TNNC1: variants seen among roughly 807,000 people sequenced by gnomAD.
The protein encoded by TNNC1 is troponin C, slow skeletal and cardiac muscles.
TNNC1 carries 10 observed loss-of-function variants against 19.6 expected under a neutral mutation model. The ratio of observed to expected loss-of-function variants is 0.51; its 90% CI spans 0.31 to 0.87. The LOEUF (loss-of-function observed/expected upper bound fraction) is 0.87. Ranked by LOEUF, TNNC1 falls within the 40% of genes least tolerant of loss-of-function variation. TNNC1 has a pLI of 0.04. For synonymous variants in TNNC1, 85 were observed against 80.1 expected, an observed-to-expected ratio of 1.06 and a Z score of -0.33; for missense variants, 115 against 219.8, an observed-to-expected ratio of 0.52 and a Z score of 3.02.
intron 1 of TNNC1, among the ~76,000 whole-genome samples, chr3:52,453,738 A>G (rs1706363200): frequency 6.6e-6 from 1 of 152,228 alleles, no homozygotes; most frequent in African/African-American, 2.4e-5. Context: ...CAGACCACAG[A>G]CACTTGGAAA....
In TNNC1 at chr3:52,451,970, T is replaced by G. The variant is rs1398205535; in HGVS notation, c.203-112A>C. On this transcript the variant is annotated intron_variant, in intron 3 of 5. Transcript: ENST00000232975. The surrounding 1 kb of genome is among the most constrained non-coding windows in gnomAD (Gnocchi z 4.8). ...ATCCTCACACCAAACGCCAGGCTTG[T>G]GTAGCCCTTATGCCCATTTTATAGA... 6.5e-7 allele frequency: 1 copy of G among 1,548,200 alleles called. No individual in the cohort carries two copies. The highest frequency in any genetic ancestry group is 1.4e-5 in the African/African-American group (1 of 73,622).
rs1014614548 is a variant in TNNC1, at chr3:52,452,823, G to A, written c.25-310C>T. 8 of 489,800 alleles carry A rather than the reference G, an allele frequency of 1.6e-5. No individual in the cohort carries two copies. Among genetic ancestry groups the A allele is most frequent in the African/African-American group, 5.8e-5 (3 of 51,298 alleles). 30.3% of individuals were successfully genotyped at this position (489,800 alleles called of 1,614,324 possible). A position where few individuals can be genotyped will look rare whatever the true frequency, so the allele number is the denominator to read the frequency against. On this transcript the variant is annotated intron_variant, in intron 1 of 5. Transcript: ENST00000232975. This position sits in a 1 kb window ranked among gnomAD's most constrained non-coding sequence, Gnocchi z 5.2. ...TGATGAAACTCAAGCTGGGTGGCCC[G>A]AAGGACAGCTGTCCCTCAAGTTGGG...
chr3:52,453,498 C>T (rs1275883239), intron 1 of TNNC1, among the ~76,000 whole-genome samples: 3 of 152,180 alleles, frequency 2.0e-5, no homozygotes, highest in Non-Finnish European at 4.4e-5. Context: ...GCTCTACAGA[C>T]CCCTCCTCTC....
rs960698511 is a variant in TNNC1, at chr3:52,451,964, G to A, written c.203-106C>T. On this transcript the variant is annotated intron_variant, in intron 3 of 5. Transcript: ENST00000232975. This position sits in a 1 kb window ranked among gnomAD's most constrained non-coding sequence, Gnocchi z 4.8. ...CACCGCATCCTCACACCAAACGCCA[G>A]GCTTGTGTAGCCCTTATGCCCATTT... 8.4e-6 allele frequency: 13 copies of A among 1,543,488 alleles called. 1 individual carries two copies. The African/African-American group carries it at 1.1e-4, about 13-fold the overall frequency.
rs149647795 is a variant in TNNC1, at chr3:52,452,218, G to A, written c.90C>T (p.Gly30=). The change falls in exon 3 of 6, where the codon GGC becomes GGT. Residue 30 remains glycine, a synonymous_variant. Coordinates refer to ENST00000232975, the MANE Select transcript of TNNC1 (RefSeq NM_003280.3). This position sits in a 1 kb window ranked among gnomAD's most constrained non-coding sequence, Gnocchi z 5.2. ...FKAAFDIFVL[G]AEDGCISTKE... ...TGGTGCTGATGCAGCCATCCTCAGC[G>A]CCCAGCACGAAGATGTCGAAGGCTG... 1.7e-5 allele frequency: 27 copies of A among 1,613,628 alleles called. No individual in the cohort carries two copies. The highest frequency in any genetic ancestry group is 1.3e-4 in the South Asian group (12 of 91,090).
rs1706350369 is a variant in TNNC1, at chr3:52,452,977, T to C, written c.25-464A>G. ...TCTGGGGACTTTGGCATGCAGGGGG[T>C]GGGGCAGCGTTATCTGGCCCCCTGG... On this transcript the variant is annotated intron_variant, in intron 1 of 5. Transcript: ENST00000232975. The surrounding 1 kb of genome is among the most constrained non-coding windows in gnomAD (Gnocchi z 5.2). 4.0e-6 allele frequency: 1 copy of C among 248,248 alleles called. No homozygotes were observed. Among genetic ancestry groups the C allele is most frequent in the Admixed American group, 5.0e-5 (1 of 19,846 alleles). 15.4% of individuals were successfully genotyped at this position (248,248 alleles called of 1,614,324 possible). A position where few individuals can be genotyped will look rare whatever the true frequency, so the allele number is the denominator to read the frequency against.
rs1311368791 is a variant in TNNC1, at chr3:52,451,959, C to T, written c.203-101G>A. On this transcript the variant is annotated intron_variant, in intron 3 of 5. Transcript: ENST00000232975. The surrounding 1 kb of genome is among the most constrained non-coding windows in gnomAD (Gnocchi z 4.8). The stretch of plus-strand genomic sequence containing the variant: ...GTTCTCACCGCATCCTCACACCAAA[C>T]GCCAGGCTTGTGTAGCCCTTATGCC... 7.1e-6 allele frequency: 11 copies of T among 1,540,818 alleles called. No individual in the cohort carries two copies. The highest frequency in any genetic ancestry group is 4.1e-5 in the African/African-American group (3 of 73,488).
In TNNC1 at chr3:52,452,044, G is replaced by A. The variant is rs1251660863; in HGVS notation, c.202+62C>T. The stretch of plus-strand genomic sequence containing the variant: ...GCTAAATTGCTCCCAGCTAAACAGA[G>A]CCAGCATTCCAGCCCCCAGCCAGCT... On this transcript the variant is annotated intron_variant, in intron 3 of 5. Coordinates refer to ENST00000232975, the MANE Select transcript of TNNC1 (RefSeq NM_003280.3). The surrounding 1 kb of genome is among the most constrained non-coding windows in gnomAD (Gnocchi z 5.2). 8 of 1,612,202 alleles carry A rather than the reference G, an allele frequency of 5.0e-6. No individual in the cohort carries two copies. The highest frequency in any genetic ancestry group is 6.8e-6 in the Non-Finnish European group (8 of 1,179,262).
Position 52,451,829 on chromosome 3 carries a change from G to A in TNNC1, c.232C>T (p.Leu78=), listed in dbSNP as rs2153229935. ...GSGTVDFDEF[L]VMMVRCMKDD... is the part of the protein sequence containing the mutation. ...TTCATGCACCGAACCATCATGACCAGGAACTCATCAAAGTCCACCGTGCCG... is the reference window on the plus strand; with the variant it reads ...TTCATGCACCGAACCATCATGACCAAGAACTCATCAAAGTCCACCGTGCCG... Residue 78 remains leucine, a synonymous_variant, in exon 4 of 6, where the codon CTG becomes TTG. Coordinates refer to ENST00000232975, the MANE Select transcript of TNNC1 (RefSeq NM_003280.3). This position sits in a 1 kb window ranked among gnomAD's most constrained non-coding sequence, Gnocchi z 4.8. 6.2e-7 allele frequency: 1 copy of A among 1,614,084 alleles called. No individual in the cohort carries two copies. The highest frequency in any genetic ancestry group is 2.2e-5 in the East Asian group (1 of 44,876).
chr3:52,453,179 G>C (rs1464583014), intron 1 of TNNC1, among the ~76,000 whole-genome samples: 2 of 152,224 alleles, frequency 1.3e-5, no homozygotes, highest in Non-Finnish European at 2.9e-5. Context: ...GCTGAGGGAG[G>C]GGTTCCCCTG....
Position 52,451,358 on chromosome 3 carries a change from G to A in TNNC1, c.454+33C>T. On this transcript the variant is annotated intron_variant, in intron 5 of 5. Transcript: ENST00000232975. This position sits in a 1 kb window ranked among gnomAD's most constrained non-coding sequence, Gnocchi z 4.8. ...TGAGGGTAGGGGCTGGGCAGGGCAT[G>A]GAGGCAGGAGATCAGCCCACCCACC... The A allele has an allele frequency of 3.7e-6, 6 of 1,614,108 alleles. No individual in the cohort carries two copies. Among genetic ancestry groups the A allele is most frequent in the Non-Finnish European group, 5.1e-6 (6 of 1,179,996 alleles).
At position 52,451,319 on chromosome 3, in the gene TNNC1, G is replaced by A. The variant is rs1706318833; in HGVS notation, c.455-13C>T. ...AACTCCAGGAACTCTGTGGAAAGAG[G>A]GGCAGGTGTGGGTTGAGGGTAGGGG... On this transcript the variant is annotated splice_polypyrimidine_tract_variant and intron_variant, in intron 5 of 5. Coordinates refer to ENST00000232975, the MANE Select transcript of TNNC1 (RefSeq NM_003280.3). The surrounding 1 kb of genome is among the most constrained non-coding windows in gnomAD (Gnocchi z 4.8). The A allele has an allele frequency of 6.2e-7, 1 of 1,614,122 alleles. No individual in the cohort carries two copies. The highest frequency in any genetic ancestry group is 8.5e-7 in the Non-Finnish European group (1 of 1,179,998).
Position 52,452,956 on chromosome 3 carries a change from G to C in TNNC1, c.25-443C>G, listed in dbSNP as rs150715546. ...AAAGTTAAACCTGGTGATTGTTCTG[G>C]GGACTTTGGCATGCAGGGGGTGGGG... On this transcript the variant is annotated intron_variant, in intron 1 of 5. Transcript: ENST00000232975. The surrounding 1 kb of genome is among the most constrained non-coding windows in gnomAD (Gnocchi z 5.2). 39 of 261,328 alleles carry C rather than the reference G, an allele frequency of 1.5e-4. No homozygotes were observed. Among genetic ancestry groups the C allele is most frequent in the Middle Eastern group, 3.0e-3 (2 of 674 alleles). 16.2% of individuals were successfully genotyped at this position (261,328 alleles called of 1,614,324 possible). A position where few individuals can be genotyped will look rare whatever the true frequency, so the allele number is the denominator to read the frequency against.
At chr3:52,453,321 C>A (rs192641697) in intron 1 of TNNC1, among the ~76,000 whole-genome samples, 3 of 152,320 alleles carry the variant, frequency 2.0e-5, no homozygotes, top group Non-Finnish European at 4.4e-5. Context: ...CACTCTCCAG[C>A]CCTCATTCCC....
intron 1 of TNNC1, among the ~76,000 whole-genome samples, chr3:52,453,541 G>A (rs577140920): frequency 5.3e-5 from 8 of 152,238 alleles, no homozygotes; most frequent in Non-Finnish European, 1.0e-4. Flanking sequence ...TCTTCGGCCC[G>A]CCAAGGGGCT....
At position 52,452,273 on chromosome 3, in the gene TNNC1, G is replaced by C; in HGVS notation, c.56-21C>G. 2.5e-6 allele frequency: 4 copies of C among 1,606,688 alleles called. No individual in the cohort carries two copies. Among genetic ancestry groups the C allele is most frequent in the Non-Finnish European group, 3.4e-6 (4 of 1,179,974 alleles). On this transcript the variant is annotated intron_variant, in intron 2 of 5. Transcript: ENST00000232975. This position sits in a 1 kb window ranked among gnomAD's most constrained non-coding sequence, Gnocchi z 5.2. ...GAACTCTGTGTTCAGGGGTTGGGGG[G>C]CACAGTAGTCAGGGCTCAGCAGCCA...
In TNNC1 at chr3:52,452,647, T is replaced by A; in HGVS notation, c.25-134A>T. 6.2e-6 allele frequency: 6 copies of A among 961,556 alleles called. No individual in the cohort carries two copies. The highest frequency in any genetic ancestry group is 8.1e-6 in the Non-Finnish European group (5 of 614,704). The allele number at this position is 961,556 out of a possible 1,614,324, so 59.6% of individuals were successfully genotyped here. On this transcript the variant is annotated intron_variant, in intron 1 of 5. Transcript: ENST00000232975. The surrounding 1 kb of genome is among the most constrained non-coding windows in gnomAD (Gnocchi z 5.2). ...CCAGGCCACAGAGTGGAGGTCTCAGTCCTCCCTCCCTGCCCCCAAAGCCCT... is the reference window on the plus strand; with the variant it reads ...CCAGGCCACAGAGTGGAGGTCTCAGACCTCCCTCCCTGCCCCCAAAGCCCT...
In TNNC1 at chr3:52,452,867, A is replaced by G; in HGVS notation, c.25-354T>C. 1 of 400,486 alleles carries G rather than the reference A, an allele frequency of 2.5e-6. No individual in the cohort carries two copies. The allele number at this position is 400,486 out of a possible 1,614,324, so 24.8% of individuals were successfully genotyped here. ...AGTTGGGATAATAAAACCAGTGTGGAGGCAGGCAAGCCACCCACGGTAACC... is the reference window on the plus strand; with the variant it reads ...AGTTGGGATAATAAAACCAGTGTGGGGGCAGGCAAGCCACCCACGGTAACC... On this transcript the variant is annotated intron_variant, in intron 1 of 5. Coordinates refer to ENST00000232975, the MANE Select transcript of TNNC1 (RefSeq NM_003280.3). The surrounding 1 kb of genome is among the most constrained non-coding windows in gnomAD (Gnocchi z 5.2).
intron 1 of TNNC1, among the ~76,000 whole-genome samples, 183 bp downstream of exon 1, chr3:52,453,808 AC>A (rs1212325485): frequency 6.6e-6 from 1 of 152,058 alleles, no homozygotes; most frequent in African/African-American, 2.4e-5. Context: ...CAGACCCGGA[AC>A]CCCCTACCCC....
Sources: gnomAD v4.1 joint callset for allele counts (sites outside exome capture counted in the v4.1 genomes callset) on GRCh38, gnomAD v4.1.1 for gene constraint, Gnocchi (gnomAD v3.1) non-coding constraint, MANE v1.5 for transcripts, NCBI Gene and HGNC (gene_info 2026-07-23, HGNC 2026-07-21) for gene names.